The following OPCML variants were observed in gnomAD, a reference collection of about 807,000 sequenced individuals.
The protein encoded by OPCML is opioid-binding protein/cell adhesion molecule.
In OPCML, 13 loss-of-function variants were observed where a neutral mutation model predicts 37.8. That is an observed-to-expected ratio of 0.34 (90% CI 0.22 to 0.55). OPCML has a LOEUF of 0.55. Ranked by LOEUF, OPCML falls within the 20% of genes least tolerant of loss-of-function variation. The pLI is 0.91. For missense variants in OPCML, 341 were observed against 435.6 expected (o/e 0.78, Z 1.93); for synonymous variants, 176 against 168.8 (o/e 1.04, Z -0.33).
intron 1 of OPCML, among the ~76,000 whole-genome samples, chr11:133,224,170 C>A (rs2136370930): frequency 6.6e-6 from 1 of 152,298 alleles, no homozygotes; most frequent in South Asian, 2.1e-4. Flanking sequence ...GAGCACTTTG[C>A]CATTAGTCCC....
intron 1 of OPCML, among the ~76,000 whole-genome samples, chr11:133,461,234 G>C (rs1946852062): frequency 6.6e-6 from 1 of 151,868 alleles, no homozygotes; most frequent in Non-Finnish European, 1.5e-5. Flanking sequence ...AGAGCAATTA[G>C]AGAAGAAAAA....
At position 132,442,355 on chromosome 11, in the gene OPCML, G is replaced by A. The variant is rs1035642144; in HGVS notation, c.506-4996C>T. Reference sequence around the variant, plus strand: ...AGCAAAATATGGGGGCTTCCTGACCGACTTCTCTTTTCTTTCTCCCTTTAT... The same window carrying A: ...AGCAAAATATGGGGGCTTCCTGACCAACTTCTCTTTTCTTTCTCCCTTTAT... On this transcript the variant is annotated intron_variant, in intron 4 of 7. Transcript: ENST00000524381. Among the ~76,000 whole-genome samples the A allele has an allele frequency of 7.2e-5, 11 of 152,230 alleles. No homozygotes were observed. In the East Asian group the frequency reaches 1.7e-3, roughly 24 times the overall value.
intron 1 of OPCML, among the ~76,000 whole-genome samples, chr11:133,531,024 T>C (rs1948594331): frequency 6.6e-6 from 1 of 152,312 alleles, no homozygotes; most frequent in East Asian, 1.9e-4. Flanking sequence ...TTCCTGTCTG[T>C]GTATATATGT....
chr11:133,110,475 G>A (rs927664824), intron 1 of OPCML, among the ~76,000 whole-genome samples: 5 of 152,096 alleles, frequency 3.3e-5, no homozygotes, highest in Non-Finnish European at 7.3e-5. Flanking sequence ...ACAGGCCCCC[G>A]TGCGTGATCC....
chr11:132,455,493 C>T (rs1212984258), intron 4 of OPCML, among the ~76,000 whole-genome samples: 2 of 152,190 alleles, frequency 1.3e-5, no homozygotes, highest in Admixed American at 6.5e-5. Context: ...ATCTTCAAAT[C>T]CGCCCTCGAG....
chr11:133,236,457 C>G (rs1035027315), intron 1 of OPCML, among the ~76,000 whole-genome samples: 2 of 152,120 alleles, frequency 1.3e-5, no homozygotes, highest in Non-Finnish European at 2.9e-5. Flanking sequence ...GAAGGGCCAA[C>G]GACTGCAGTT....
At chr11:132,611,455 T>C (rs1938635459) in intron 3 of OPCML, among the ~76,000 whole-genome samples, 2 of 152,208 alleles carry the variant, frequency 1.3e-5, no homozygotes, top group Admixed American at 6.5e-5. Context: ...CAGCTTTTTA[T>C]CTGGAAAATT....
At chr11:132,596,467 A>G (rs1054423768) in intron 3 of OPCML, among the ~76,000 whole-genome samples, 2 of 152,138 alleles carry the variant, frequency 1.3e-5, no homozygotes, top group South Asian at 2.1e-4. Flanking sequence ...TGTTGGGGCC[A>G]GTAAGGAAAG....
intron 1 of OPCML, among the ~76,000 whole-genome samples, chr11:133,406,804 C>T (rs1206038636): frequency 6.6e-6 from 1 of 152,144 alleles, no homozygotes; most frequent in Non-Finnish European, 1.5e-5. Flanking sequence ...AGTGAGCAGG[C>T]CATCCGGCTG....
chr11:132,619,745 G>C (rs1168278548), intron 3 of OPCML, among the ~76,000 whole-genome samples: 2 of 149,870 alleles, frequency 1.3e-5, no homozygotes, highest in South Asian at 2.1e-4. Flanking sequence ...CCAGCTACTC[G>C]AGAGGCTGAG....
chr11:133,150,205 T>A (rs1371693151), intron 1 of OPCML, among the ~76,000 whole-genome samples: 1 of 152,258 alleles, frequency 6.6e-6, no homozygotes, highest in African/African-American at 2.4e-5. Flanking sequence ...GGTGCCCATT[T>A]AGGGCATGCT....
At chr11:132,460,393 C>A (rs1056694616) in intron 4 of OPCML, among the ~76,000 whole-genome samples, 13 of 152,164 alleles carry the variant, frequency 8.5e-5, no homozygotes, top group Non-Finnish European at 1.6e-4. Context: ...TTGAAAACAG[C>A]TTTGACCTCA....
intron 1 of OPCML, among the ~76,000 whole-genome samples, chr11:133,293,085 T>C (rs1942524288): frequency 6.6e-6 from 1 of 152,144 alleles, no homozygotes; most frequent in Non-Finnish European, 1.5e-5. Context: ...AGGCAGATAA[T>C]CCAGCACCTC....
chr11:132,705,955 G>T (rs935298078), intron 2 of OPCML, among the ~76,000 whole-genome samples: 5 of 152,026 alleles, frequency 3.3e-5, no homozygotes, highest in African/African-American at 1.2e-4. Context: ...TTACAGGCAT[G>T]CACCACCACG....
chr11:133,253,536 T>G (rs1441948797), intron 1 of OPCML, among the ~76,000 whole-genome samples: 13 of 152,094 alleles, frequency 8.5e-5, no homozygotes. Context: ...TCTCAAACTC[T>G]TGATCTCAAG....
At chr11:133,354,289 G>GTGGTGATGATGGTGGTGATGGTGA (rs1944223001) in intron 1 of OPCML, among the ~76,000 whole-genome samples, 1 of 128,606 alleles carries the variant, frequency 7.8e-6, no homozygotes, top group African/African-American at 3.0e-5. Context: ...AGTGATGGTG[G>GTGGTGATGATGGTGGTGATGGTGA]TGCTGGTGGT....
chr11:133,529,294 A>G (rs1039606195), intron 1 of OPCML, among the ~76,000 whole-genome samples: 1 of 152,154 alleles, frequency 6.6e-6, no homozygotes, highest in African/African-American at 2.4e-5. Flanking sequence ...TGATGCACAT[A>G]TCTAGCAGTA....
intron 2 of OPCML, among the ~76,000 whole-genome samples, chr11:132,912,884 C>T (rs558900570): frequency 6.1e-4 from 93 of 152,334 alleles, no homozygotes; most frequent in African/African-American, 2.2e-3. Context: ...ACTTTGAAAA[C>T]AACTTAGCAA....
rs183356627 is a variant in OPCML, at chr11:132,452,429, C to T, written c.506-15070G>A. Among the ~76,000 whole-genome samples the T allele has an allele frequency of 1.2e-3, 184 of 152,254 alleles. 1 individual carries two copies. The highest frequency in any genetic ancestry group is 4.1e-3 in the African/African-American group (170 of 41,552). ...CTCCAGTCAGCGACAGCACCTCACACTGGGTGACGATGAAGCTGGATCTAA... is the reference window on the plus strand; with the variant it reads ...CTCCAGTCAGCGACAGCACCTCACATTGGGTGACGATGAAGCTGGATCTAA... On this transcript the variant is annotated intron_variant, in intron 4 of 7. Transcript: ENST00000524381.
Sources: allele counts gnomAD v4.1 joint callset (sites outside exome capture counted in the v4.1 genomes callset), GRCh38; gene constraint gnomAD v4.1.1; transcripts MANE v1.5; gene names NCBI Gene and HGNC (gene_info 2026-07-23, HGNC 2026-07-21).